Variants in LPP observed in about 807,000 individuals in gnomAD.
LPP encodes lipoma-preferred partner.
A neutral mutation model predicts 60.4 loss-of-function variants in LPP; 38 were observed. The observed-to-expected ratio is 0.63, with a 90% CI of 0.49 to 0.83. LPP has a LOEUF of 0.83. Among genes scored for constraint, LPP ranks in the 40% least tolerant of loss-of-function variants. LPP has a pLI of 0.00. For missense variants in LPP, 902 were observed against 783.6 expected (o/e 1.15, Z -1.80); for synonymous variants, 328 against 290.8 (o/e 1.13, Z -1.30).
intron 1 of LPP, among the ~76,000 whole-genome samples, chr3:188,158,136 T>C (rs1195075154): frequency 2.0e-5 from 3 of 152,118 alleles, no homozygotes; most frequent in Admixed American, 2.0e-4. Flanking sequence ...GCAGGAGGCA[T>C]AGTACCACTT....
At chr3:188,499,186 C>T (rs115685780) in intron 5 of LPP, among the ~76,000 whole-genome samples, 2,184 of 152,142 alleles carry the variant, frequency 0.014, 23 homozygotes, top group Non-Finnish European at 0.023. Flanking sequence ...CCTTTTGTGT[C>T]ATATTAAGAC....
At chr3:188,342,127 C>A (rs1049034415) in intron 3 of LPP, among the ~76,000 whole-genome samples, 55 of 152,330 alleles carry the variant, frequency 3.6e-4, no homozygotes, top group African/African-American at 1.3e-3. Flanking sequence ...CTACACTATA[C>A]TGCCAGTGTT....
chr3:188,820,876 G>T (rs1053926315), intron 9 of LPP, among the ~76,000 whole-genome samples: 1 of 152,082 alleles, frequency 6.6e-6, no homozygotes, highest in Non-Finnish European at 1.5e-5. Flanking sequence ...TACGAAACTT[G>T]TATAGGAAAA....
intron 9 of LPP, among the ~76,000 whole-genome samples, chr3:188,807,592 T>C (rs1749556287): frequency 6.6e-6 from 1 of 152,134 alleles, no homozygotes; most frequent in African/African-American, 2.4e-5. Context: ...TGACCTATCT[T>C]TAAGTTTACT....
At chr3:188,330,706 C>T (rs1181430337) in intron 2 of LPP, among the ~76,000 whole-genome samples, 1 of 152,088 alleles carries the variant, frequency 6.6e-6, no homozygotes, top group East Asian at 1.9e-4. Context: ...GCCCCAACTA[C>T]TCAGGAGGCT....
At chr3:188,632,774 G>A (rs1466493242) in intron 7 of LPP, among the ~76,000 whole-genome samples, 1 of 152,162 alleles carries the variant, frequency 6.6e-6, no homozygotes, top group African/African-American at 2.4e-5. Context: ...TTCTTCAGTT[G>A]TATTTGGTAG....
chr3:188,407,790 T>TTTTTTTTTTTTTTTTTTTTTTTG (rs1560364521), intron 4 of LPP, among the ~76,000 whole-genome samples: 3 of 76,322 alleles, frequency 3.9e-5, no homozygotes, highest in African/African-American at 9.9e-5. Flanking sequence ...GTTTGTTTGT[T>TTTTTTTTTTTTTTTTTTTTTTTG]TTTTTTTTTT....
intron 4 of LPP, among the ~76,000 whole-genome samples, chr3:188,482,391 G>T (rs1805053233): frequency 6.6e-6 from 1 of 152,168 alleles, no homozygotes; most frequent in South Asian, 2.1e-4. Flanking sequence ...CTCTCATTGT[G>T]AGCACTGTTT....
At chr3:188,617,816 G>T (rs1845139892) in intron 7 of LPP, among the ~76,000 whole-genome samples, 1 of 152,170 alleles carries the variant, frequency 6.6e-6, no homozygotes, top group Non-Finnish European at 1.5e-5. Context: ...CAGAGTGAGA[G>T]AAATTCTATT....
At chr3:188,165,825 A>T (rs550169507) in intron 1 of LPP, among the ~76,000 whole-genome samples, 1 of 152,178 alleles carries the variant, frequency 6.6e-6, no homozygotes, top group South Asian at 2.1e-4. Context: ...ATAAGGGGAG[A>T]CTCAGCACCT....
intron 2 of LPP, among the ~76,000 whole-genome samples, chr3:188,316,061 G>T (rs1462213886): frequency 6.6e-6 from 1 of 152,152 alleles, no homozygotes; most frequent in Non-Finnish European, 1.5e-5. Context: ...ATCACCTGAG[G>T]TCAGGAGTTT....
At chr3:188,531,204 A>C (rs958527730) in intron 6 of LPP, among the ~76,000 whole-genome samples, 3 of 152,212 alleles carry the variant, frequency 2.0e-5, no homozygotes, top group Admixed American at 6.5e-5. Flanking sequence ...ATCCTCATTT[A>C]GACTAGTGTG....
At chr3:188,551,529 A>T (rs2150525877) in intron 6 of LPP, among the ~76,000 whole-genome samples, 1 of 152,330 alleles carries the variant, frequency 6.6e-6, no homozygotes, top group African/African-American at 2.4e-5. Context: ...AGATATAGGG[A>T]ACAAATGCTG....
intron 2 of LPP, among the ~76,000 whole-genome samples, chr3:188,307,730 A>C (rs1751982940): frequency 6.6e-6 from 1 of 152,196 alleles, no homozygotes; most frequent in African/African-American, 2.4e-5. Flanking sequence ...CTTACACTCT[A>C]GTGAGGGAGA....
intron 6 of LPP, among the ~76,000 whole-genome samples, chr3:188,564,255 G>C (rs1216988574): frequency 3.3e-5 from 5 of 151,836 alleles, no homozygotes; most frequent in African/African-American, 1.2e-4. Context: ...TTCGCAGCTG[G>C]TCCTACTGAG....
At chr3:188,842,788 A>T (rs866498940) in intron 9 of LPP, among the ~76,000 whole-genome samples, 1 of 152,072 alleles carries the variant, frequency 6.6e-6, no homozygotes, top group African/African-American at 2.4e-5. Flanking sequence ...ATGCAATGAG[A>T]TACTCAGATC....
Position 188,373,479 on chromosome 3 carries a change from G to A in LPP, c.-10+31760G>A, listed in dbSNP as rs577643726. ...CCAGTGATGATGAGCCTTTTTTCAT[G>A]TGTTTTTTGGCTGCATAAATGTCTT... On this transcript the variant is annotated intron_variant, in intron 3 of 11. Transcript: ENST00000617246. 1.5e-3 allele frequency among the ~76,000 whole-genome samples: 226 copies of A among 152,260 alleles called. 1 individual carries two copies. Among genetic ancestry groups the A allele is most frequent in the African/African-American group, 5.2e-3 (215 of 41,542 alleles).
chr3:188,710,770 A>C (rs1181108732), intron 8 of LPP: 1 of 152,234 alleles, frequency 6.6e-6, no homozygotes, highest in Non-Finnish European at 1.5e-5. Flanking sequence ...ACAAAAAAAA[A>C]ACTGAACATA....
At chr3:188,606,963 G>A (rs1842495818) in intron 6 of LPP, among the ~76,000 whole-genome samples, 1 of 152,126 alleles carries the variant, frequency 6.6e-6, no homozygotes, top group African/African-American at 2.4e-5. Context: ...CTCTGCTGCA[G>A]CTGTAAAGTC....
Sources: allele counts gnomAD v4.1 joint callset (sites outside exome capture counted in the v4.1 genomes callset), GRCh38; gene constraint gnomAD v4.1.1; transcripts MANE v1.5; gene names NCBI Gene and HGNC (gene_info 2026-07-23, HGNC 2026-07-21).